Variants in ADAM32 observed in about 807,000 individuals in gnomAD.
The protein encoded by ADAM32 is disintegrin and metalloproteinase domain-containing protein 32.
A neutral mutation model predicts 114.9 loss-of-function variants in ADAM32; 89 were observed. The observed-to-expected ratio is 0.77, with a 90% CI of 0.65 to 0.92. The LOEUF (loss-of-function observed/expected upper bound fraction) is 0.92, where lower values mean the gene tolerates loss of function less well. Among genes scored for constraint, ADAM32 ranks in the 40% least tolerant of loss-of-function variants. The pLI, the probability that ADAM32 is intolerant of heterozygous loss-of-function variation, is 0.00. For synonymous variants in ADAM32, 285 were observed against 307.5 expected, an observed-to-expected ratio of 0.93 and a Z score of 0.77; for missense variants, 870 against 932.8, an observed-to-expected ratio of 0.93 and a Z score of 0.88.
intron 20 of ADAM32, 93 bp from the exon 21 acceptor site, chr8:39,274,219 T>C: frequency 8.6e-7 from 1 of 1,167,434 alleles, no homozygotes. Context: ...TTTAAAGAGA[T>C]AATACTAATT....
intron 10 of ADAM32, among the ~76,000 whole-genome samples, chr8:39,182,589 G>A (rs1012010064): frequency 1.4e-4 from 22 of 152,136 alleles, no homozygotes; most frequent in Admixed American, 8.5e-4. Flanking sequence ...ATTAACTGTA[G>A]TTACCAAGCG....
chr8:39,257,040 T>C (rs1740034064), intron 18 of ADAM32, 147 bp from the exon 19 acceptor site: 3 of 912,514 alleles, frequency 3.3e-6, no homozygotes, highest in Non-Finnish European at 4.7e-6. Context: ...GCCCCAAGGA[T>C]TATGATTACA....
At position 39,254,398 on chromosome 8, in the gene ADAM32, T is replaced by C. The variant is rs1232647466; in HGVS notation, c.1903-16T>C. ...ATATTTTAAAACAATCATTTAATTT[T>C]TCAAAATGATCCTAGGTGTGTGATT... On this transcript the variant is annotated splice_polypyrimidine_tract_variant and intron_variant, in intron 17 of 24. Coordinates refer to ENST00000379907, the MANE Select transcript of ADAM32 (RefSeq NM_145004.7). 3.9e-6 allele frequency: 6 copies of C among 1,548,560 alleles called. No homozygotes were observed. Among genetic ancestry groups the C allele is most frequent in the Non-Finnish European group, 5.3e-6 (6 of 1,136,990 alleles).
intron 1 of ADAM32, among the ~76,000 whole-genome samples, chr8:39,117,778 T>A (rs1028933158): frequency 6.6e-6 from 1 of 152,150 alleles, no homozygotes; most frequent in Non-Finnish European, 1.5e-5. Context: ...CTTTCTAGTC[T>A]ATTGTTTTGA....
chr8:39,194,705 C>A (rs978690122), intron 11 of ADAM32, among the ~76,000 whole-genome samples: 14 of 152,120 alleles, frequency 9.2e-5, no homozygotes, highest in Non-Finnish European at 1.6e-4. Flanking sequence ...GTGGGAGAGT[C>A]CACCAGTTAG....
Position 39,270,934 on chromosome 8 carries a change from T to C in ADAM32, c.2201+20T>C, listed in dbSNP as rs1404301403. ...CAGCCAGTAAGTAGTTTAGAAGGTGTTTTTAAGATACATGTTGAAAATTAA... is the reference window on the plus strand; with the variant it reads ...CAGCCAGTAAGTAGTTTAGAAGGTGCTTTTAAGATACATGTTGAAAATTAA... On this transcript the variant is annotated intron_variant, in intron 20 of 24. Transcript: ENST00000379907. 3 of 1,594,368 alleles carry C rather than the reference T, an allele frequency of 1.9e-6. No individual in the cohort carries two copies.
chr8:39,260,054 C>CT (rs1811928724), intron 19 of ADAM32, among the ~76,000 whole-genome samples: 1 of 152,118 alleles, frequency 6.6e-6, no homozygotes, highest in African/African-American at 2.4e-5. Context: ...GTTCAATTAT[C>CT]TTTTTTCCCT....
intron 2 of ADAM32, 23 bp from the exon 3 acceptor site, chr8:39,136,634 C>G (rs1382314659): frequency 6.8e-7 from 1 of 1,463,730 alleles, no homozygotes; most frequent in Non-Finnish European, 9.2e-7. Context: ...TGTCTTCACT[C>G]TCAGTTGTTT....
At chr8:39,137,541 G>A (rs1304822841) in intron 3 of ADAM32, among the ~76,000 whole-genome samples, 1 of 152,036 alleles carries the variant, frequency 6.6e-6, no homozygotes, top group Non-Finnish European at 1.5e-5. Flanking sequence ...TGAGGCAGGT[G>A]GATCAAACTC....
At chr8:39,280,724 G>A (rs60198769) in intron 22 of ADAM32, among the ~76,000 whole-genome samples, 6,655 of 151,974 alleles carry the variant, frequency 0.044, 528 homozygotes, top group African/African-American at 0.15. Context: ...CTCAAAGTAG[G>A]CAAGCTCTTA....
chr8:39,273,879 C>T (rs1254520709), intron 20 of ADAM32, among the ~76,000 whole-genome samples: 1 of 151,938 alleles, frequency 6.6e-6, no homozygotes, highest in African/African-American at 2.4e-5. Flanking sequence ...TGCTAGATTG[C>T]TTAGGAGGCA....
At chr8:39,221,733 A>G in intron 13 of ADAM32, 31 bp downstream of exon 13, 2 of 1,523,066 alleles carry the variant, frequency 1.3e-6, no homozygotes, top group Non-Finnish European at 1.8e-6. Context: ...CATCTTTCAA[A>G]TATATAACAA....
intron 1 of ADAM32, among the ~76,000 whole-genome samples, chr8:39,117,034 C>A (rs1267371857): frequency 1.3e-5 from 2 of 152,108 alleles, no homozygotes; most frequent in African/African-American, 4.8e-5. Context: ...CATGCACATG[C>A]CACCATGCCC....
At chr8:39,246,026 T>G in intron 16 of ADAM32, 57 bp from the exon 17 acceptor site, 3 of 1,297,124 alleles carry the variant, frequency 2.3e-6, no homozygotes, top group Non-Finnish European at 3.4e-6. Context: ...TACTGTAATG[T>G]TATGATGACT....
chr8:39,281,880 A>G (rs1212909697), intron 23 of ADAM32, among the ~76,000 whole-genome samples: 1 of 152,204 alleles, frequency 6.6e-6, no homozygotes. Context: ...CTATTCCAAA[A>G]TATCCTTTAT....
chr8:39,283,772 T>A, intron 24 of ADAM32, 148 bp downstream of exon 24: 38 of 71,742 alleles, frequency 5.3e-4, no homozygotes, highest in East Asian at 1.1e-3. Context: ...TCTTTTATTC[T>A]TTTTTTTTTT....
At chr8:39,242,044 C>G (rs1335427333) in intron 16 of ADAM32, among the ~76,000 whole-genome samples, 1 of 152,188 alleles carries the variant, frequency 6.6e-6, no homozygotes, top group East Asian at 1.9e-4. Context: ...TCATCTCTCT[C>G]AAGTTCAAAA....
chr8:39,135,023 C>T (rs1001413223), intron 2 of ADAM32, among the ~76,000 whole-genome samples: 13 of 152,114 alleles, frequency 8.5e-5, no homozygotes, highest in African/African-American at 1.9e-4. Flanking sequence ...GGCGTGGTGG[C>T]GCATGTCTGT....
At chr8:39,163,064 T>G in intron 7 of ADAM32, among the ~76,000 whole-genome samples, 1 of 152,184 alleles carries the variant, frequency 6.6e-6, no homozygotes, top group Non-Finnish European at 1.5e-5. Flanking sequence ...GACTTTATAA[T>G]TTGTAAATCC....
Sources: allele counts gnomAD v4.1 joint callset (sites outside exome capture counted in the v4.1 genomes callset), GRCh38; gene constraint gnomAD v4.1.1; transcripts MANE v1.5; gene names NCBI Gene and HGNC (gene_info 2026-07-23, HGNC 2026-07-21).